The following PLCL1 variants were observed in gnomAD, a reference collection of about 807,000 sequenced individuals.
PLCL1 encodes the protein phospholipase C like 1 (inactive).
PLCL1 carries 41 observed loss-of-function variants against 84.4 expected under a neutral mutation model. The ratio of observed to expected loss-of-function variants is 0.49; its 90% CI spans 0.38 to 0.63. The LOEUF (loss-of-function observed/expected upper bound fraction) is 0.63, where lower values mean the gene tolerates loss of function less well. Ranked by LOEUF, PLCL1 falls within the 30% of genes least tolerant of loss-of-function variation. PLCL1 has a pLI of 0.00. For missense variants in PLCL1, 1,206 were observed against 1,367.8 expected, an observed-to-expected ratio of 0.88 and a Z score of 1.87; for synonymous variants, 490 against 488.3, an observed-to-expected ratio of 1.00 and a Z score of -0.05.
At chr2:198,139,252 A>G (rs1005902644) in intron 5 of PLCL1, among the ~76,000 whole-genome samples, 1 of 151,844 alleles carries the variant, frequency 6.6e-6, no homozygotes, top group African/African-American at 2.4e-5. Context: ...TTCCACAGTG[A>G]GGGTTTGTAT....
At chr2:197,933,194 G>T (rs1361930604) in intron 1 of PLCL1, among the ~76,000 whole-genome samples, 1 of 150,166 alleles carries the variant, frequency 6.7e-6, no homozygotes, top group Non-Finnish European at 1.5e-5. Flanking sequence ...TATCTAAGTT[G>T]TTCTCTTTTT....
chr2:198,061,977 A>G (rs1166769750), intron 1 of PLCL1, among the ~76,000 whole-genome samples: 1 of 152,196 alleles, frequency 6.6e-6, no homozygotes, highest in Admixed American at 6.5e-5. Context: ...CTGAGAAGAA[A>G]TGTATTCCAT....
At chr2:197,830,798 A>G (rs1459043615) in intron 1 of PLCL1, among the ~76,000 whole-genome samples, 1 of 152,224 alleles carries the variant, frequency 6.6e-6, no homozygotes, top group African/African-American at 2.4e-5. Context: ...CACAAAGGGA[A>G]GCCCATCAGA....
At chr2:197,829,613 C>A (rs1691013188) in intron 1 of PLCL1, among the ~76,000 whole-genome samples, 1 of 152,042 alleles carries the variant, frequency 6.6e-6, no homozygotes, top group South Asian at 2.1e-4. Context: ...AAGTAGTATT[C>A]ATTAGTTTCA....
intron 1 of PLCL1, among the ~76,000 whole-genome samples, chr2:198,078,958 G>T (rs985732771): frequency 6.6e-6 from 1 of 151,934 alleles, no homozygotes; most frequent in Non-Finnish European, 1.5e-5. Flanking sequence ...ATTTCTAAGT[G>T]TATAAGCATT....
chr2:198,021,783 C>T (rs1464199040), intron 1 of PLCL1, among the ~76,000 whole-genome samples: 1 of 152,140 alleles, frequency 6.6e-6, no homozygotes, highest in African/African-American at 2.4e-5. Context: ...AGACCAGGAC[C>T]AGACAGATTC....
chr2:198,062,816 A>G lies in PLCL1; in HGVS notation c.241-20942A>G, dbSNP rs189651606. Among the ~76,000 whole-genome samples the G allele has an allele frequency of 3.1e-3, 465 of 152,288 alleles. 1 individual carries two copies. Among genetic ancestry groups the G allele is most frequent in the African/African-American group, 0.011 (453 of 41,552 alleles). ...TAGAACCTGGGAATATACTAAGTCA[A>G]TGAGCTATCTCAGGTGATTCTTATA... On this transcript the variant is annotated intron_variant, in intron 1 of 5. Coordinates refer to ENST00000428675, the MANE Select transcript of PLCL1 (RefSeq NM_006226.4).
intron 1 of PLCL1, among the ~76,000 whole-genome samples, chr2:197,845,392 G>A (rs1687100609): frequency 6.6e-6 from 1 of 152,066 alleles, no homozygotes; most frequent in Admixed American, 6.6e-5. Flanking sequence ...TTAGACTTTG[G>A]AAGTAGGAGA....
At chr2:198,068,817 T>G (rs943050532) in intron 1 of PLCL1, among the ~76,000 whole-genome samples, 1 of 151,752 alleles carries the variant, frequency 6.6e-6, no homozygotes, top group Non-Finnish European at 1.5e-5. Flanking sequence ...AGGTCAGGAG[T>G]TCAAGACCAG....
intron 1 of PLCL1, among the ~76,000 whole-genome samples, chr2:197,965,208 A>G (rs1008648164): frequency 6.6e-6 from 1 of 151,976 alleles, no homozygotes; most frequent in African/African-American, 2.4e-5. Flanking sequence ...TTGCTGGGAG[A>G]CTTTTTACTA....
At chr2:198,015,675 C>T (rs982567070) in intron 1 of PLCL1, among the ~76,000 whole-genome samples, 2 of 151,838 alleles carry the variant, frequency 1.3e-5, no homozygotes, top group African/African-American at 2.4e-5. Flanking sequence ...CAGACAGCTC[C>T]GAGTTAACAA....
At chr2:198,083,538 G>C (rs1023260865) in intron 1 of PLCL1, among the ~76,000 whole-genome samples, 1 of 152,110 alleles carries the variant, frequency 6.6e-6, no homozygotes, top group African/African-American at 2.4e-5. Flanking sequence ...TGTTTCAAAG[G>C]CCACATAGGC....
At chr2:197,864,459 G>A (rs151176076) in intron 1 of PLCL1, among the ~76,000 whole-genome samples, 129 of 147,714 alleles carry the variant, frequency 8.7e-4, no homozygotes, top group Non-Finnish European at 1.7e-3. Flanking sequence ...ACTTAATAAT[G>A]TGAATGCATA....
Position 197,823,812 on chromosome 2 carries a change from C to T in PLCL1, c.240+18473C>T, listed in dbSNP as rs182618803. Reference sequence around the variant, plus strand: ...ATATAGTAAGTAGTTACTTGTTTTACGCTTCAAATTTCTTCCAAAAAAGTT... The same window carrying T: ...ATATAGTAAGTAGTTACTTGTTTTATGCTTCAAATTTCTTCCAAAAAAGTT... On this transcript the variant is annotated intron_variant, in intron 1 of 5. Transcript: ENST00000428675. Among the ~76,000 whole-genome samples, 345 of 152,134 alleles carry T rather than the reference C, an allele frequency of 2.3e-3. 3 individuals are homozygous for T. Among genetic ancestry groups the T allele is most frequent in the African/African-American group, 7.7e-3 (320 of 41,510 alleles).
chr2:197,940,119 A>T (rs1481706380), intron 1 of PLCL1, among the ~76,000 whole-genome samples: 1 of 152,096 alleles, frequency 6.6e-6, no homozygotes, highest in African/African-American at 2.4e-5. Context: ...TTTTTTGAAA[A>T]TTTTTAATAA....
At chr2:198,035,194 G>C (rs1178821338) in intron 1 of PLCL1, among the ~76,000 whole-genome samples, 1 of 152,188 alleles carries the variant, frequency 6.6e-6, no homozygotes, top group Non-Finnish European at 1.5e-5. Context: ...AGGAATTATA[G>C]ATATGAAAAG....
chr2:198,039,251 C>T (rs1231527458), intron 1 of PLCL1, among the ~76,000 whole-genome samples: 2 of 152,090 alleles, frequency 1.3e-5, no homozygotes, highest in Non-Finnish European at 2.9e-5. Context: ...TTTCTAGATT[C>T]AACATGGAAA....
chr2:198,109,370 A>T (rs762715531), intron 5 of PLCL1, among the ~76,000 whole-genome samples: 6 of 151,950 alleles, frequency 3.9e-5, no homozygotes, highest in Non-Finnish European at 8.8e-5. Flanking sequence ...TTACCTCTTG[A>T]TATTATTGCA....
At position 198,127,519 on chromosome 2, in the gene PLCL1, G is replaced by A. The variant is rs12614662; in HGVS notation, c.3106-19261G>A. Reference sequence around the variant, plus strand: ...ATTGTGAAAGCAAATAGCTAGATATGCTTTCTCCCTTTGAAGAGGCATGAC... The same window carrying A: ...ATTGTGAAAGCAAATAGCTAGATATACTTTCTCCCTTTGAAGAGGCATGAC... On this transcript the variant is annotated intron_variant, in intron 5 of 5. Coordinates refer to ENST00000428675, the MANE Select transcript of PLCL1 (RefSeq NM_006226.4). 1.3e-3 allele frequency among the ~76,000 whole-genome samples: 192 copies of A among 152,194 alleles called. 8 individuals carry two copies. The East Asian group carries it at 0.028, about 22-fold the overall frequency.
Sources: allele counts gnomAD v4.1 joint callset (sites outside exome capture counted in the v4.1 genomes callset), GRCh38; gene constraint gnomAD v4.1.1; transcripts MANE v1.5; gene names NCBI Gene and HGNC (gene_info 2026-07-23, HGNC 2026-07-21).